PLA2G4A: variants seen among roughly 807,000 people sequenced by gnomAD.
The protein encoded by PLA2G4A is phospholipase A2 group IVA.
In PLA2G4A, 40 loss-of-function variants were observed where a neutral mutation model predicts 81.9. That is an observed-to-expected ratio of 0.49 (90% CI 0.38 to 0.64). PLA2G4A has a LOEUF of 0.64. PLA2G4A is among the 30% of genes least tolerant of loss of function. The probability of loss-of-function intolerance (pLI) is 0.00; values close to 1 mark genes in which losing one functional copy is unlikely to be tolerated. For missense variants in PLA2G4A, 715 were observed against 905.1 expected (o/e 0.79, Z 2.69); for synonymous variants, 302 against 296.9 (o/e 1.02, Z -0.18).
intron 1 of PLA2G4A, among the ~76,000 whole-genome samples, chr1:186,836,396 G>A (rs1651778473): frequency 6.6e-6 from 1 of 151,650 alleles, no homozygotes; most frequent in African/African-American, 2.4e-5. Context: ...CAGATAACAA[G>A]AATCTTCAAG....
At chr1:186,831,150 C>A (rs1024209339) in intron 1 of PLA2G4A, among the ~76,000 whole-genome samples, 10 of 151,916 alleles carry the variant, frequency 6.6e-5, no homozygotes, top group Non-Finnish European at 1.2e-4. Flanking sequence ...GCCATTCCAA[C>A]ACACACAAAT....
At chr1:186,887,758 CT>C (rs1411780216) in intron 3 of PLA2G4A, among the ~76,000 whole-genome samples, 2 of 152,140 alleles carry the variant, frequency 1.3e-5, no homozygotes, top group African/African-American at 4.8e-5. Context: ...TTCCTTGAAA[CT>C]TCTCTAAAGT....
At chr1:186,904,623 C>G (rs1654670026) in intron 5 of PLA2G4A, among the ~76,000 whole-genome samples, 1 of 152,244 alleles carries the variant, frequency 6.6e-6, no homozygotes. Flanking sequence ...CTTGGCAGCA[C>G]AGCCTGTAAC....
chr1:186,979,805 T>C (rs1413950939), intron 17 of PLA2G4A, among the ~76,000 whole-genome samples: 1 of 151,988 alleles, frequency 6.6e-6, no homozygotes, highest in Non-Finnish European at 1.5e-5. Flanking sequence ...AAAGGAAATA[T>C]GAGTATGAAA....
At position 186,834,002 on chromosome 1, in the gene PLA2G4A, A is replaced by G. The variant is rs183130715; in HGVS notation, c.-70+4967A>G. The stretch of plus-strand genomic sequence containing the variant: ...TGAATCAACTGCTTCCTTTTCCCCA[A>G]TCTTCCTCTTCATTTGCTTGACTTC... On this transcript the variant is annotated intron_variant, in intron 1 of 17. Coordinates refer to ENST00000367466, the MANE Select transcript of PLA2G4A (RefSeq NM_024420.3). 7.4e-3 allele frequency among the ~76,000 whole-genome samples: 1,121 copies of G among 152,132 alleles called. 16 individuals are homozygous for G. The highest frequency in any genetic ancestry group is 7.5e-3 in the Non-Finnish European group (508 of 67,992).
rs59494152 is a variant in PLA2G4A, at chr1:186,955,734, CTTT to C, written c.1337-352_1337-350del. On this transcript the variant is annotated intron_variant, in intron 13 of 17. Transcript: ENST00000367466. ...ACATTCAATTATCCAAAGAAGATCC[CTTT>C]TTTTTTTTTTTTTTTAAGACAGAGT... is the stretch of plus-strand genomic sequence containing the variant. Among the ~76,000 whole-genome samples, 12 of 108,816 alleles carry C rather than the reference CTTT, an allele frequency of 1.1e-4. No homozygotes were observed. The East Asian group carries it at 1.4e-3, about 13-fold the overall frequency. 71.4% of individuals were successfully genotyped at this position (108,816 alleles called of 152,430 possible). A position where few individuals can be genotyped will look rare whatever the true frequency, so the allele number is the denominator to read the frequency against.
chr1:186,862,975 T>A (rs1652871928), intron 2 of PLA2G4A, among the ~76,000 whole-genome samples: 1 of 152,220 alleles, frequency 6.6e-6, no homozygotes, highest in Non-Finnish European at 1.5e-5. Flanking sequence ...TTAGTTACCA[T>A]TGGACTAGAA....
At chr1:186,952,894 C>A (rs895551518) in intron 13 of PLA2G4A, among the ~76,000 whole-genome samples, 6 of 152,072 alleles carry the variant, frequency 3.9e-5, no homozygotes, top group Non-Finnish European at 8.8e-5. Context: ...ATTTTTTTAG[C>A]ACTGAATAAT....
intron 2 of PLA2G4A, among the ~76,000 whole-genome samples, chr1:186,868,007 C>T (rs1426138094): frequency 1.3e-5 from 2 of 150,498 alleles, no homozygotes; most frequent in Non-Finnish European, 2.9e-5. Flanking sequence ...AATTAATAGA[C>T]TGTTGAATGC....
In PLA2G4A at chr1:186,950,689, G is replaced by A. The variant is rs1478419060; in HGVS notation, c.1297G>A (p.Asp433Asn). The A allele has an allele frequency of 1.2e-6, 2 of 1,604,928 alleles. No homozygotes were observed. The highest frequency in any genetic ancestry group is 1.7e-6 in the Non-Finnish European group (2 of 1,172,032). Residue 433 changes from aspartate to asparagine, a missense_variant, in exon 13 of 18, where the codon GAT becomes AAT. Physicochemically the swap from Asp to Asn is conservative, Grantham distance 23. Transcript: ENST00000367466. ...TACCACAAAGCATATTGTGAGTAATGATAGCTCGGACAGTGATGATGAATC... is the reference window on the plus strand; with the variant it reads ...TACCACAAAGCATATTGTGAGTAATAATAGCTCGGACAGTGATGATGAATC... ...NITTKHIVSN[D>N]SSDSDDESHE...
Position 186,968,681 on chromosome 1 carries a change from C to A in PLA2G4A, c.1764+3088C>A, listed in dbSNP as rs377588416. 2.6e-5 allele frequency among the ~76,000 whole-genome samples: 4 copies of A among 151,544 alleles called. No homozygotes were observed. In the East Asian group the frequency reaches 7.7e-4, roughly 29 times the overall value. On this transcript the variant is annotated intron_variant, in intron 15 of 17. Transcript: ENST00000367466. ...TTTTAGATTATTGCTATCTTGCCACCTTTTTCTGTAATCATTATCCTTGCA... is the reference window on the plus strand; with the variant it reads ...TTTTAGATTATTGCTATCTTGCCACATTTTTCTGTAATCATTATCCTTGCA...
intron 1 of PLA2G4A, among the ~76,000 whole-genome samples, chr1:186,853,932 CAT>C (rs1163770115): frequency 2.0e-5 from 3 of 151,854 alleles, no homozygotes; most frequent in Non-Finnish European, 4.4e-5. Context: ...AAAACAATGA[CAT>C]GTGGCTTAAT....
intron 7 of PLA2G4A, among the ~76,000 whole-genome samples, chr1:186,924,135 T>G (rs937169351): frequency 2.6e-5 from 4 of 152,236 alleles, no homozygotes; most frequent in African/African-American, 9.6e-5. Context: ...ACTCTCAACC[T>G]GTATTGTCAA....
intron 8 of PLA2G4A, among the ~76,000 whole-genome samples, chr1:186,935,851 C>A (rs142517990): frequency 6.6e-6 from 1 of 151,958 alleles, no homozygotes; most frequent in Non-Finnish European, 1.5e-5. Flanking sequence ...CTGGACCTCC[C>A]AGAAAGTTTT....
intron 1 of PLA2G4A, among the ~76,000 whole-genome samples, chr1:186,849,351 T>C (rs1211448997): frequency 6.6e-6 from 1 of 151,992 alleles, no homozygotes; most frequent in Non-Finnish European, 1.5e-5. Flanking sequence ...ATGAAAGGCT[T>C]GAAGGAGGAG....
At chr1:186,921,891 T>C (rs1349513860) in intron 7 of PLA2G4A, among the ~76,000 whole-genome samples, 1 of 152,104 alleles carries the variant, frequency 6.6e-6, no homozygotes, top group Non-Finnish European at 1.5e-5. Context: ...AATTTACATA[T>C]GGGAACTCAT....
chr1:186,962,636 C>T (rs983179482), intron 14 of PLA2G4A, among the ~76,000 whole-genome samples: 8 of 152,078 alleles, frequency 5.3e-5, no homozygotes, highest in Non-Finnish European at 1.2e-4. Context: ...ATTCTCCTGC[C>T]TCAGCCTCAG....
intron 5 of PLA2G4A, among the ~76,000 whole-genome samples, chr1:186,904,155 A>T (rs1403194864): frequency 6.6e-6 from 1 of 152,144 alleles, no homozygotes; most frequent in Non-Finnish European, 1.5e-5. Flanking sequence ...AAACATCTAA[A>T]ATTGCTTTCC....
intron 13 of PLA2G4A, among the ~76,000 whole-genome samples, chr1:186,954,916 T>A (rs1443490559): frequency 2.6e-5 from 4 of 152,186 alleles, no homozygotes; most frequent in Admixed American, 6.5e-5. Context: ...TATTAAGAAT[T>A]TAATACGAGC....
Sources: allele counts gnomAD v4.1 joint callset (sites outside exome capture counted in the v4.1 genomes callset), GRCh38; gene constraint gnomAD v4.1.1; transcripts MANE v1.5; gene names NCBI Gene and HGNC (gene_info 2026-07-23, HGNC 2026-07-21).